The following LPP variants were observed in gnomAD, a reference collection of about 807,000 sequenced individuals.
LPP encodes the protein LIM domain containing preferred translocation partner in lipoma, also known as lipoma-preferred partner.
In LPP, 38 loss-of-function variants were observed where a neutral mutation model predicts 60.4. The ratio of observed to expected loss-of-function variants is 0.63; its 90% CI spans 0.49 to 0.83. The LOEUF (loss-of-function observed/expected upper bound fraction) is 0.83, where lower values mean the gene tolerates loss of function less well. LPP is among the 40% of genes least tolerant of loss of function. LPP has a pLI of 0.00. For missense variants in LPP, 902 were observed against 783.6 expected (o/e 1.15, Z -1.80); for synonymous variants, 328 against 290.8 (o/e 1.13, Z -1.30).
intron 9 of LPP, among the ~76,000 whole-genome samples, chr3:188,833,299 C>G (rs996499201): frequency 6.6e-6 from 1 of 152,202 alleles, no homozygotes; most frequent in African/African-American, 2.4e-5. Context: ...CATTTCAGGT[C>G]TTGCTTCAGG....
intron 1 of LPP, among the ~76,000 whole-genome samples, chr3:188,181,755 T>A (rs1725075437): frequency 6.6e-6 from 1 of 152,210 alleles, no homozygotes; most frequent in African/African-American, 2.4e-5. Context: ...AGGGTCACTC[T>A]CTGTTGCTCA....
intron 2 of LPP, among the ~76,000 whole-genome samples, chr3:188,329,650 G>A (rs1033972207): frequency 6.6e-6 from 1 of 152,068 alleles, no homozygotes; most frequent in Non-Finnish European, 1.5e-5. Flanking sequence ...TTTAAAAAAT[G>A]TTAAACCTTT....
chr3:188,316,203 A>G (rs975193191), intron 2 of LPP, among the ~76,000 whole-genome samples: 6 of 152,198 alleles, frequency 3.9e-5, no homozygotes, highest in African/African-American at 1.4e-4. Flanking sequence ...ATTTGAACTC[A>G]GGAGGCGGAG....
intron 3 of LPP, among the ~76,000 whole-genome samples, chr3:188,358,631 C>T (rs77115451): frequency 1.3e-4 from 20 of 152,204 alleles, no homozygotes; most frequent in East Asian, 1.2e-3. Flanking sequence ...GGAAGAGATG[C>T]CAGTCTAATG....
chr3:188,809,981 A>G (rs1275253135), intron 9 of LPP, among the ~76,000 whole-genome samples: 2 of 152,126 alleles, frequency 1.3e-5, no homozygotes, highest in East Asian at 1.9e-4. Flanking sequence ...GTTGAAGATC[A>G]GATGGTTGTA....
intron 1 of LPP, among the ~76,000 whole-genome samples, chr3:188,183,861 T>C (rs945328622): frequency 6.6e-6 from 1 of 152,158 alleles, no homozygotes; most frequent in African/African-American, 2.4e-5. Flanking sequence ...ACTACACTGC[T>C]TTCCTAGCTG....
Position 188,581,759 on chromosome 3 carries a change from C to T in LPP, c.430-27402C>T, listed in dbSNP as rs552958794. On this transcript the variant is annotated intron_variant, in intron 6 of 11. Transcript: ENST00000617246. ...AAATCGTAAAAATTAAAACCAGCCT[C>T]GGAACACAACCCCTCATTCTTCCAG... Among the ~76,000 whole-genome samples, 9 of 152,266 alleles carry T rather than the reference C, an allele frequency of 5.9e-5. No individual in the cohort carries two copies. In the South Asian group the frequency reaches 1.2e-3, roughly 21 times the overall value.
At chr3:188,536,321 T>G (rs1579739897) in intron 6 of LPP, among the ~76,000 whole-genome samples, 1 of 43,066 alleles carries the variant, frequency 2.3e-5, no homozygotes, top group Non-Finnish European at 6.4e-5. Context: ...ATTACAAGAT[T>G]TTTTTTTTTG....
chr3:188,861,273 C>T (rs1015021112), intron 9 of LPP, among the ~76,000 whole-genome samples: 5 of 151,972 alleles, frequency 3.3e-5, no homozygotes, highest in African/African-American at 1.2e-4. Flanking sequence ...TCTTTTTGTT[C>T]TTATCTCAAC....
rs1865877558 is a variant in LPP, at chr3:188,708,266, G to A, written c.1114-1G>A. On this transcript the variant is annotated splice_acceptor_variant, in intron 7 of 11. Coordinates refer to ENST00000617246, the MANE Select transcript of LPP (RefSeq NM_001375462.1). LOFTEE classifies it high-confidence loss of function. ...AGGACTGTGTGCTTTCTGCCTTTCA[G>A]GGTGGCCATTCAGGGCAACTGGGGC... The A allele has an allele frequency of 3.1e-6, 5 of 1,613,924 alleles. No homozygotes were observed. The highest frequency in any genetic ancestry group is 4.2e-6 in the Non-Finnish European group (5 of 1,179,976).
intron 2 of LPP, among the ~76,000 whole-genome samples, chr3:188,315,718 T>C (rs1469404406): frequency 6.6e-6 from 1 of 152,214 alleles, no homozygotes; most frequent in Non-Finnish European, 1.5e-5. Flanking sequence ...CTTAAGCACT[T>C]GCTAATGTGC....
At chr3:188,758,059 T>G (rs115278520) in intron 8 of LPP, among the ~76,000 whole-genome samples, 2,293 of 152,206 alleles carry the variant, frequency 0.015, 50 homozygotes, top group African/African-American at 0.053. Flanking sequence ...TATACAAAAT[T>G]TTTTCATCAA....
chr3:188,746,780 A>G (rs1317804438), intron 8 of LPP, among the ~76,000 whole-genome samples: 4 of 152,208 alleles, frequency 2.6e-5, no homozygotes, highest in Non-Finnish European at 5.9e-5. Context: ...TATGGAAACT[A>G]CATTAGTACA....
At chr3:188,325,048 T>A (rs1043657120) in intron 2 of LPP, among the ~76,000 whole-genome samples, 4 of 152,104 alleles carry the variant, frequency 2.6e-5, no homozygotes, top group Non-Finnish European at 5.9e-5. Flanking sequence ...TGGTGCGATC[T>A]CGGCTCACTG....
At chr3:188,314,229 T>C (rs1754373292) in intron 2 of LPP, among the ~76,000 whole-genome samples, 1 of 152,190 alleles carries the variant, frequency 6.6e-6, no homozygotes, top group African/African-American at 2.4e-5. Context: ...ACTAGTGACA[T>C]TGGCTTTCGA....
intron 9 of LPP, among the ~76,000 whole-genome samples, chr3:188,793,980 A>G (rs1189498232): frequency 6.6e-6 from 1 of 152,126 alleles, no homozygotes; most frequent in African/African-American, 2.4e-5. Context: ...GTGCTTTAAT[A>G]AAGGGCAGAA....
chr3:188,598,953 A>G (rs1840524696), intron 6 of LPP, among the ~76,000 whole-genome samples: 1 of 152,266 alleles, frequency 6.6e-6, no homozygotes, highest in East Asian at 1.9e-4. Context: ...TGATTGGAGA[A>G]AAGTGTCTGG....
chr3:188,782,778 A>G (rs952495112), intron 9 of LPP, among the ~76,000 whole-genome samples: 10 of 150,960 alleles, frequency 6.6e-5, no homozygotes, highest in Non-Finnish European at 1.5e-4. Context: ...TAATCATATC[A>G]TTATAAGTTG....
intron 1 of LPP, among the ~76,000 whole-genome samples, chr3:188,203,235 A>G (rs192481306): frequency 0.057 from 7,337 of 129,184 alleles, 239 homozygotes; most frequent in South Asian, 0.13. Context: ...GTAATACAAT[A>G]TATTTTATAT....
Sources: gnomAD v4.1 joint callset for allele counts (sites outside exome capture counted in the v4.1 genomes callset) on GRCh38, gnomAD v4.1.1 for gene constraint, MANE v1.5 for transcripts, NCBI Gene and HGNC (gene_info 2026-07-23, HGNC 2026-07-21) for gene names.